Variants in MET observed in about 807,000 individuals in gnomAD.
MET encodes MET proto-oncogene, receptor tyrosine kinase, also known as hepatocyte growth factor receptor.
Under a neutral mutation model 133.1 loss-of-function variants are expected in MET, and 48 were observed. The observed-to-expected ratio is 0.36, with a 90% CI of 0.29 to 0.46. MET has a LOEUF of 0.46. MET is among the 20% of genes least tolerant of loss of function. The probability of loss-of-function intolerance (pLI) is 1.00; values close to 1 mark genes in which losing one functional copy is unlikely to be tolerated. For synonymous variants in MET, 628 were observed against 616.5 expected (o/e 1.02, Z -0.28); for missense variants, 1,442 against 1,695.9 (o/e 0.85, Z 2.63).
In MET at chr7:116,700,062, G is replaced by A. The variant is rs769507421; in HGVS notation, c.978G>A (p.Gly326=). The change falls in exon 2 of 21, where the codon GGG becomes GGA. Residue 326 remains glycine, a synonymous_variant. Transcript: ENST00000397752. ...AGGCTGCGTATGTCAGCAAGCCTGG[G>A]GCCCAGCTTGCTAGACAAATAGGAG... ...ILQAAYVSKP[G]AQLARQIGAS... The A allele has an allele frequency of 3.1e-6, 5 of 1,613,516 alleles. No homozygotes were observed. The highest frequency in any genetic ancestry group is 4.2e-6 in the Non-Finnish European group (5 of 1,179,836).
At chr7:116,719,744 G>C (rs2116704362) in intron 2 of MET, among the ~76,000 whole-genome samples, 1 of 151,968 alleles carries the variant, frequency 6.6e-6, no homozygotes, top group Non-Finnish European at 1.5e-5. Flanking sequence ...TATTAAATAG[G>C]GAATCCTTTC....
intron 19 of MET, among the ~76,000 whole-genome samples, chr7:116,785,553 C>T (rs1795286428): frequency 6.6e-6 from 1 of 152,122 alleles, no homozygotes; most frequent in African/African-American, 2.4e-5. Flanking sequence ...AGAAATCTAC[C>T]TCCATGATGC....
At chr7:116,703,766 T>A (rs1209108640) in intron 2 of MET, among the ~76,000 whole-genome samples, 1 of 152,120 alleles carries the variant, frequency 6.6e-6, no homozygotes, top group Non-Finnish European at 1.5e-5. Flanking sequence ...GAGAATTTTT[T>A]AAATCCCCAA....
chr7:116,680,696 C>T (rs1262980117), intron 1 of MET, among the ~76,000 whole-genome samples: 1 of 152,120 alleles, frequency 6.6e-6, no homozygotes, highest in African/African-American at 2.4e-5. Flanking sequence ...AATCCCAGCA[C>T]TTTAGGAGGC....
chr7:116,766,112 T>C (rs1794618479), intron 11 of MET, among the ~76,000 whole-genome samples: 1 of 152,236 alleles, frequency 6.6e-6, no homozygotes, highest in African/African-American at 2.4e-5. Context: ...AAATTTATTC[T>C]GTTTAAAGAA....
chr7:116,716,471 AAGAAAG>A (rs889698256), intron 2 of MET, among the ~76,000 whole-genome samples: 4 of 20,092 alleles, frequency 2.0e-4, no homozygotes, highest in African/African-American at 7.9e-4. Flanking sequence ...AAGAAAGAGA[AAGAAAG>A]AAAGAAAGAA....
intron 5 of MET, among the ~76,000 whole-genome samples, chr7:116,744,533 G>A (rs1185124782): frequency 6.6e-6 from 1 of 152,124 alleles, no homozygotes; most frequent in Non-Finnish European, 1.5e-5. Flanking sequence ...AGAAATATGC[G>A]ACTATGTGAA....
At position 116,755,830 on chromosome 7, in the gene MET, C is replaced by T. The variant is rs1027311640; in HGVS notation, c.1862+315C>T. ...AGAGTAGCACTAGTTGGGATCACTT[C>T]ATCCTTGGAGTCTTCAAATGTAGAG... is the stretch of plus-strand genomic sequence containing the variant. On this transcript the variant is annotated intron_variant, in intron 6 of 20. Coordinates refer to ENST00000397752, the MANE Select transcript of MET (RefSeq NM_000245.4). 2.6e-5 allele frequency among the ~76,000 whole-genome samples: 4 copies of T among 152,194 alleles called. No individual in the cohort carries two copies. In the East Asian group the frequency reaches 7.7e-4, roughly 29 times the overall value.
intron 5 of MET, among the ~76,000 whole-genome samples, chr7:116,748,952 G>A (rs1289581175): frequency 6.6e-6 from 1 of 152,162 alleles, no homozygotes; most frequent in Non-Finnish European, 1.5e-5. Context: ...CTGCAATTGA[G>A]ACAGTAATTA....
intron 2 of MET, among the ~76,000 whole-genome samples, chr7:116,706,056 T>C (rs1044455261): frequency 1.3e-5 from 2 of 152,158 alleles, no homozygotes; most frequent in South Asian, 4.1e-4. Context: ...CCAGGAAAGA[T>C]GAAAAAGCAA....
At chr7:116,777,897 G>A (rs1795043398) in intron 16 of MET, among the ~76,000 whole-genome samples, 2 of 152,136 alleles carry the variant, frequency 1.3e-5, no homozygotes, top group African/African-American at 4.8e-5. Context: ...AGACAAACAG[G>A]AGAAAACTAC....
intron 5 of MET, among the ~76,000 whole-genome samples, chr7:116,749,452 C>A (rs1793831323): frequency 6.6e-6 from 1 of 152,156 alleles, no homozygotes. Flanking sequence ...GTTGATGGAA[C>A]ATATCTCAAA....
chr7:116,768,408 G>A (rs1456248194), intron 11 of MET, among the ~76,000 whole-genome samples: 1 of 152,122 alleles, frequency 6.6e-6, no homozygotes, highest in African/African-American at 2.4e-5. Context: ...AAGCCCTAAA[G>A]TCATCTCTTA....
chr7:116,771,036 C>T (rs1033129190), intron 12 of MET, among the ~76,000 whole-genome samples: 2 of 152,134 alleles, frequency 1.3e-5, no homozygotes, highest in Admixed American at 1.3e-4. Context: ...TATTCTGAGA[C>T]TTTATTGTTC....
At chr7:116,770,904 A>T (rs1794809767) in intron 12 of MET, among the ~76,000 whole-genome samples, 1 of 152,194 alleles carries the variant, frequency 6.6e-6, no homozygotes, top group Non-Finnish European at 1.5e-5. Context: ...TAGAAAATCA[A>T]AGGCTGAATC....
At chr7:116,746,966 A>C (rs1036091704) in intron 5 of MET, among the ~76,000 whole-genome samples, 6 of 152,170 alleles carry the variant, frequency 3.9e-5, no homozygotes, top group African/African-American at 1.2e-4. Flanking sequence ...ACAAGCCAGA[A>C]GACAGTGGGG....
chr7:116,767,012 G>A (rs998746785), intron 11 of MET, among the ~76,000 whole-genome samples: 6 of 152,136 alleles, frequency 3.9e-5, no homozygotes, highest in African/African-American at 7.2e-5. Context: ...TCTATGTGAA[G>A]TGTAAATCTC....
intron 2 of MET, among the ~76,000 whole-genome samples, chr7:116,726,713 A>G (rs188953277): frequency 1.3e-5 from 2 of 152,272 alleles, no homozygotes; most frequent in Non-Finnish European, 2.9e-5. Context: ...CTTGCCTTAC[A>G]CCTTAAGGGA....
intron 3 of MET, among the ~76,000 whole-genome samples, chr7:116,735,779 C>CTTTT (rs34534013): frequency 3.9e-5 from 5 of 129,830 alleles, no homozygotes; most frequent in Admixed American, 1.6e-4. Context: ...TTAGCTTTGG[C>CTTTT]TTTTTTTTTT....
Sources: allele counts gnomAD v4.1 joint callset (sites outside exome capture counted in the v4.1 genomes callset), GRCh38; gene constraint gnomAD v4.1.1; transcripts MANE v1.5; gene names NCBI Gene and HGNC (gene_info 2026-07-23, HGNC 2026-07-21).